The following SPON1 variants were observed in gnomAD, a reference collection of about 807,000 sequenced individuals.
The protein encoded by SPON1 is spondin 1.
Under a neutral mutation model 111.7 loss-of-function variants are expected in SPON1, and 52 were observed. That is an observed-to-expected ratio of 0.47 (90% CI 0.37 to 0.59). The LOEUF (loss-of-function observed/expected upper bound fraction) is 0.59, where lower values mean the gene tolerates loss of function less well. SPON1 is among the 20% of genes least tolerant of loss of function. The probability of loss-of-function intolerance (pLI) is 0.00; values close to 1 mark genes in which losing one functional copy is unlikely to be tolerated. For synonymous variants in SPON1, 410 were observed against 395.8 expected, an observed-to-expected ratio of 1.04 and a Z score of -0.43; for missense variants, 957 against 1,068.5, an observed-to-expected ratio of 0.90 and a Z score of 1.46.
At chr11:14,160,997 A>C (rs1394845598) in intron 6 of SPON1, among the ~76,000 whole-genome samples, 5 of 83,204 alleles carry the variant, frequency 6.0e-5, no homozygotes, top group African/African-American at 2.6e-4. Flanking sequence ...ATATATTTTT[A>C]TATATTTATA....
intron 5 of SPON1, among the ~76,000 whole-genome samples, chr11:14,096,446 G>A (rs1398241188): frequency 6.6e-6 from 1 of 152,196 alleles, no homozygotes; most frequent in Non-Finnish European, 1.5e-5. Context: ...CTTTGGGAGG[G>A]TGACGTCGAG....
chr11:13,974,538 T>C (rs1266678582), intron 1 of SPON1, among the ~76,000 whole-genome samples: 2 of 152,196 alleles, frequency 1.3e-5, no homozygotes, highest in Non-Finnish European at 2.9e-5. Context: ...CCCAGAAAGC[T>C]ATTTGGTAAT....
At chr11:14,035,159 T>C (rs1554916484) in intron 2 of SPON1, among the ~76,000 whole-genome samples, 4 of 152,284 alleles carry the variant, frequency 2.6e-5, no homozygotes, top group South Asian at 4.1e-4. Flanking sequence ...CCAGTGTATG[T>C]GGTTTCATGG....
At chr11:14,230,764 T>TTTCCTTCCTTCC (rs57121403) in intron 6 of SPON1, among the ~76,000 whole-genome samples, 45 of 112,530 alleles carry the variant, frequency 4.0e-4, no homozygotes, top group African/African-American at 1.5e-3. Context: ...TCTCTCTCTC[T>TTTCCTTCCTTCC]TTCCTTCCTT....
At chr11:14,231,879 GACAA>G (rs1220177609) in intron 6 of SPON1, among the ~76,000 whole-genome samples, 4 of 151,414 alleles carry the variant, frequency 2.6e-5, no homozygotes, top group African/African-American at 4.8e-5. Flanking sequence ...TGTCAACTAT[GACAA>G]ACAAATGAAT....
At chr11:14,110,767 C>G (rs1229118243) in intron 5 of SPON1, among the ~76,000 whole-genome samples, 2 of 152,202 alleles carry the variant, frequency 1.3e-5, no homozygotes, top group Admixed American at 1.3e-4. Context: ...AAATCCAGTC[C>G]ACTGGCTCAA....
At chr11:14,111,253 A>G (rs914125340) in intron 5 of SPON1, among the ~76,000 whole-genome samples, 2 of 152,220 alleles carry the variant, frequency 1.3e-5, no homozygotes, top group Non-Finnish European at 2.9e-5. Context: ...CAAACTCTCT[A>G]TATGATGAAC....
chr11:13,986,014 C>G (rs1554910285), intron 2 of SPON1, among the ~76,000 whole-genome samples: 1 of 152,182 alleles, frequency 6.6e-6, no homozygotes, highest in East Asian at 1.9e-4. Flanking sequence ...TATTTTTTCT[C>G]TGTACCAAAG....
At chr11:14,203,096 T>G (rs781978176) in intron 6 of SPON1, among the ~76,000 whole-genome samples, 1 of 152,192 alleles carries the variant, frequency 6.6e-6, no homozygotes, top group Non-Finnish European at 1.5e-5. Context: ...TTTAGGAGGT[T>G]GATCCCTCCT....
chr11:14,167,491 A>G (rs1249018885), intron 6 of SPON1, among the ~76,000 whole-genome samples: 1 of 114,726 alleles, frequency 8.7e-6, no homozygotes, highest in Non-Finnish European at 1.8e-5. Flanking sequence ...TTTCCCTGCC[A>G]TTTACCCAAA....
intron 2 of SPON1, 77 bp from the exon 3 acceptor site, chr11:14,041,444 G>T: frequency 1.3e-6 from 2 of 1,531,330 alleles, no homozygotes; most frequent in Non-Finnish European, 8.9e-7. Flanking sequence ...ATAAAGTTAA[G>T]GAAGTACCAA....
At chr11:14,136,940 G>C (rs950168973) in intron 6 of SPON1, among the ~76,000 whole-genome samples, 3 of 152,130 alleles carry the variant, frequency 2.0e-5, no homozygotes, top group South Asian at 2.1e-4. Context: ...CATTGTTTGG[G>C]ATCCTGGAGG....
At chr11:14,196,945 G>C (rs964462611) in intron 6 of SPON1, among the ~76,000 whole-genome samples, 1 of 152,220 alleles carries the variant, frequency 6.6e-6, no homozygotes, top group Admixed American at 6.5e-5. Context: ...AGCTACTTGG[G>C]AGGCTGAGGC....
chr11:14,139,447 A>T (rs1847626086), intron 6 of SPON1, among the ~76,000 whole-genome samples: 1 of 152,180 alleles, frequency 6.6e-6, no homozygotes, highest in Non-Finnish European at 1.5e-5. Flanking sequence ...CCCTCACTAA[A>T]CAACAAGGTT....
chr11:14,119,774 C>T (rs1261642500), intron 5 of SPON1, among the ~76,000 whole-genome samples: 2 of 152,096 alleles, frequency 1.3e-5, no homozygotes, highest in Non-Finnish European at 2.9e-5. Context: ...CTCTCCCATC[C>T]CCTTGTGACA....
At chr11:14,148,762 G>A (rs1273854047) in intron 6 of SPON1, among the ~76,000 whole-genome samples, 1 of 152,220 alleles carries the variant, frequency 6.6e-6, no homozygotes, top group Non-Finnish European at 1.5e-5. Context: ...TCACTCTGGT[G>A]TATGTACTCC....
chr11:13,964,856 A>AC (rs1848004299), intron 1 of SPON1, among the ~76,000 whole-genome samples: 2 of 152,210 alleles, frequency 1.3e-5, no homozygotes, highest in Admixed American at 1.3e-4. Context: ...ACCTGAGTTC[A>AC]CAGGGGAAAC....
At chr11:14,236,023 G>A (rs1554939195) in intron 6 of SPON1, among the ~76,000 whole-genome samples, 1 of 152,186 alleles carries the variant, frequency 6.6e-6, no homozygotes, top group East Asian at 1.9e-4. Context: ...GGCTCAGGAG[G>A]ACAGGCAGAC....
chr11:14,147,454 A>G (rs528912741), intron 6 of SPON1, among the ~76,000 whole-genome samples: 9 of 150,482 alleles, frequency 6.0e-5, no homozygotes, highest in East Asian at 4.0e-4. Flanking sequence ...GTCTCACTCT[A>G]TTGCCCAGGC....
Sources: allele counts gnomAD v4.1 joint callset (sites outside exome capture counted in the v4.1 genomes callset), GRCh38; gene constraint gnomAD v4.1.1; transcripts MANE v1.5; gene names NCBI Gene and HGNC (gene_info 2026-07-23, HGNC 2026-07-21).